Variants in COL19A1 observed in about 807,000 individuals in gnomAD.
COL19A1 encodes the protein collagen alpha-1(XIX) chain.
Under a neutral mutation model 190.2 loss-of-function variants are expected in COL19A1, and 159 were observed. The ratio of observed to expected loss-of-function variants is 0.84; its 90% confidence interval spans 0.73 to 0.95. The LOEUF is 0.95. COL19A1 is among the 40% of genes least tolerant of loss of function. COL19A1 has a pLI of 0.00. For missense variants in COL19A1, 1,418 were observed against 1,431.9 expected (o/e 0.99, Z 0.16); for synonymous variants, 509 against 458.9 (o/e 1.11, Z -1.39).
At chr6:70,074,986 A>G (rs1411380525) in intron 15 of COL19A1, among the ~76,000 whole-genome samples, 1 of 152,094 alleles carries the variant, frequency 6.6e-6, no homozygotes, top group Non-Finnish European at 1.5e-5. Flanking sequence ...ATCTATAAAT[A>G]TAAACGTATA....
At chr6:70,129,151 A>G (rs1785370082) in intron 17 of COL19A1, among the ~76,000 whole-genome samples, 1 of 152,240 alleles carries the variant, frequency 6.6e-6, no homozygotes, top group Admixed American at 6.5e-5. Context: ...GGAAACATTA[A>G]GGCTGTCTTG....
intron 15 of COL19A1, among the ~76,000 whole-genome samples, chr6:70,074,581 T>C (rs1781764672): frequency 2.0e-5 from 3 of 151,522 alleles, no homozygotes; most frequent in Admixed American, 2.0e-4. Context: ...ACTTCACAGC[T>C]ACAAAGTGAT....
chr6:70,162,623 T>A (rs974110941), intron 35 of COL19A1, among the ~76,000 whole-genome samples: 1 of 152,222 alleles, frequency 6.6e-6, no homozygotes, highest in Non-Finnish European at 1.5e-5. Flanking sequence ...ATTGTGTTTT[T>A]ATTTGCTAAA....
At position 70,210,570 on chromosome 6, in the gene COL19A1, ATAAAG is replaced by A. The variant is rs1008569467; in HGVS notation, c.*3300_*3304del. ...AAAATTATCATTTGATATTTGGCTT[ATAAAG>A]TAATTTTTATGAATCTGTTTTATGA... On this transcript the variant is annotated 3_prime_UTR_variant, in exon 51 of 51. Transcript: ENST00000620364. Among the ~76,000 whole-genome samples, 1 of 152,198 alleles carries A rather than the reference ATAAAG, an allele frequency of 6.6e-6. No homozygotes were observed. The highest frequency in any genetic ancestry group is 2.4e-5 in the African/African-American group (1 of 41,470).
At chr6:70,145,722 C>CTTTTTTTTTTTTT (rs56306364) in intron 25 of COL19A1, among the ~76,000 whole-genome samples, 3 of 128,166 alleles carry the variant, frequency 2.3e-5, no homozygotes, top group Non-Finnish European at 3.2e-5. Flanking sequence ...CTTATTGTTT[C>CTTTTTTTTTTTTT]TTTTTTTTTT....
intron 15 of COL19A1, among the ~76,000 whole-genome samples, chr6:70,076,378 A>G (rs1294170927): frequency 6.6e-6 from 1 of 152,228 alleles, no homozygotes; most frequent in Non-Finnish European, 1.5e-5. Flanking sequence ...TAACCAAATC[A>G]CTAACTTTTA....
At position 70,163,807 on chromosome 6, in the gene COL19A1, G is replaced by C. The variant is rs1257611794; in HGVS notation, c.2400+411G>C. Among the ~76,000 whole-genome samples, 3 of 152,142 alleles carry C rather than the reference G, an allele frequency of 2.0e-5. No homozygotes were observed. The East Asian group carries it at 5.8e-4, about 29-fold the overall frequency. ...TGGCTTATAAACAACAAACATTTATGCATATTTCTCTCAGTTCTGGAGTGT... is the reference window on the plus strand; with the variant it reads ...TGGCTTATAAACAACAAACATTTATCCATATTTCTCTCAGTTCTGGAGTGT... On this transcript the variant is annotated intron_variant, in intron 36 of 50. Transcript: ENST00000620364.
At chr6:70,200,531 A>G (rs1214530156) in intron 49 of COL19A1, among the ~76,000 whole-genome samples, 2 of 152,234 alleles carry the variant, frequency 1.3e-5, no homozygotes, top group African/African-American at 4.8e-5. Context: ...ATTGTTAACC[A>G]TGGAGGATCT....
chr6:69,982,418 T>C (rs1443453957), intron 11 of COL19A1, among the ~76,000 whole-genome samples: 1 of 151,842 alleles, frequency 6.6e-6, no homozygotes, highest in Non-Finnish European at 1.5e-5. Flanking sequence ...TTTTTGCATT[T>C]TTAGTGGAGA....
intron 9 of COL19A1, among the ~76,000 whole-genome samples, chr6:69,943,730 G>T (rs942528316): frequency 6.6e-6 from 1 of 152,094 alleles, no homozygotes; most frequent in Non-Finnish European, 1.5e-5. Context: ...TTATTTATGG[G>T]TTCTCTAGTG....
intron 17 of COL19A1, among the ~76,000 whole-genome samples, chr6:70,123,663 A>G (rs1486776434): frequency 4.1e-5 from 6 of 146,226 alleles, no homozygotes; most frequent in South Asian, 2.2e-4. Context: ...TGTTAGGGAC[A>G]TGGATGAAAT....
intron 11 of COL19A1, among the ~76,000 whole-genome samples, chr6:70,020,651 G>A (rs1778365059): frequency 6.6e-6 from 1 of 152,066 alleles, no homozygotes; most frequent in African/African-American, 2.4e-5. Flanking sequence ...TGCCCTCTAG[G>A]AACATTTGGC....
chr6:70,030,329 TA>T (rs1353978123), intron 12 of COL19A1, among the ~76,000 whole-genome samples: 1 of 152,120 alleles, frequency 6.6e-6, no homozygotes, highest in African/African-American at 2.4e-5. Flanking sequence ...ACCTACAAAA[TA>T]ATATATATAA....
At chr6:70,116,348 T>G (rs973633011) in intron 16 of COL19A1, among the ~76,000 whole-genome samples, 3 of 152,188 alleles carry the variant, frequency 2.0e-5, no homozygotes, top group Non-Finnish European at 2.9e-5. Context: ...AAAGCAATGA[T>G]TCTACCGAAT....
chr6:70,025,548 T>G (rs893259996), intron 12 of COL19A1, among the ~76,000 whole-genome samples: 2 of 152,198 alleles, frequency 1.3e-5, no homozygotes, highest in Non-Finnish European at 2.9e-5. Context: ...TTGTCCTTCC[T>G]CCTCAGGACA....
At chr6:70,156,480 G>A (rs1044549461) in intron 33 of COL19A1, 111 bp downstream of exon 33, 14 of 938,608 alleles carry the variant, frequency 1.5e-5, no homozygotes, top group African/African-American at 1.2e-4. Flanking sequence ...ATATATATAT[G>A]TATGTATGTA....
At chr6:70,020,192 T>C (rs989249914) in intron 11 of COL19A1, among the ~76,000 whole-genome samples, 5 of 152,106 alleles carry the variant, frequency 3.3e-5, no homozygotes, top group Admixed American at 3.3e-4. Flanking sequence ...ATATTTCTTA[T>C]GAATATATTG....
chr6:70,109,411 G>A (rs1784154202), intron 16 of COL19A1, among the ~76,000 whole-genome samples: 1 of 152,086 alleles, frequency 6.6e-6, no homozygotes, highest in Non-Finnish European at 1.5e-5. Context: ...GAAAAGAATA[G>A]TGCCAGAAAA....
chr6:69,990,535 C>CT (rs1200823510), intron 11 of COL19A1, among the ~76,000 whole-genome samples: 5 of 152,046 alleles, frequency 3.3e-5, no homozygotes, highest in Admixed American at 6.6e-5. Flanking sequence ...CTCCCCCTCT[C>CT]TGTCATTTTG....
Sources: allele counts gnomAD v4.1 joint callset (sites outside exome capture counted in the v4.1 genomes callset), GRCh38; gene constraint gnomAD v4.1.1; transcripts MANE v1.5; gene names NCBI Gene and HGNC (gene_info 2026-07-23, HGNC 2026-07-21).